Variants in APBB2 observed in about 807,000 individuals in gnomAD.
APBB2 encodes amyloid beta precursor protein binding family B member 2.
Under a neutral mutation model 82.5 loss-of-function variants are expected in APBB2, and 38 were observed. The ratio of observed to expected loss-of-function variants is 0.46; its 90% CI spans 0.36 to 0.60. The LOEUF is 0.60. APBB2 is among the 20% of genes least tolerant of loss of function. APBB2 has a pLI of 0.00. For missense variants in APBB2, 772 were observed against 972.3 expected, an observed-to-expected ratio of 0.79 and a Z score of 2.74; for synonymous variants, 341 against 368.2, an observed-to-expected ratio of 0.93 and a Z score of 0.85.
At chr4:40,935,249 G>T in intron 7 of APBB2, 110 bp from the exon 8 acceptor site, 1 of 797,254 alleles carries the variant, frequency 1.3e-6, no homozygotes, top group Non-Finnish European at 2.0e-6. Flanking sequence ...ATATTCACAA[G>T]ATGGGTTAGG....
intron 1 of APBB2, among the ~76,000 whole-genome samples, chr4:41,145,477 C>A (rs1760460513): frequency 6.6e-6 from 1 of 152,100 alleles, no homozygotes; most frequent in Admixed American, 6.5e-5. Flanking sequence ...AAATTCATAC[C>A]AGCAAAACCA....
rs112713402 is a variant in APBB2 at position 40,827,617 on chromosome 4, C to A, written c.1645-398G>T. On this transcript the variant is annotated intron_variant, in intron 13 of 17. Transcript: ENST00000508593. ...CCAAATGCCACCCTTTGAAGACAGA[C>A]AACATGGGTTCAAACTGCACCTCTG... Among the ~76,000 whole-genome samples, 215 of 152,284 alleles carry A rather than the reference C, an allele frequency of 1.4e-3. 3 individuals are homozygous for A. In the East Asian group the frequency reaches 0.02, roughly 14 times the overall value.
At chr4:40,901,223 T>C (rs1344890287) in intron 10 of APBB2, among the ~76,000 whole-genome samples, 1 of 152,130 alleles carries the variant, frequency 6.6e-6, no homozygotes, top group Non-Finnish European at 1.5e-5. Context: ...CCTGGCATGA[T>C]GAAATGGGAT....
intron 6 of APBB2, among the ~76,000 whole-genome samples, chr4:40,982,783 T>C (rs1191004327): frequency 7.8e-6 from 1 of 127,800 alleles, no homozygotes; most frequent in East Asian, 2.3e-4. Context: ...AGAGACCCTG[T>C]CTCAAAAAAA....
At chr4:41,110,162 T>C (rs775133100) in intron 2 of APBB2, among the ~76,000 whole-genome samples, 2 of 152,328 alleles carry the variant, frequency 1.3e-5, no homozygotes, top group Non-Finnish European at 1.5e-5. Flanking sequence ...CCTCTGTATG[T>C]TTCCACTGCA....
chr4:41,112,326 C>T (rs1488152118), intron 2 of APBB2, among the ~76,000 whole-genome samples: 2 of 152,204 alleles, frequency 1.3e-5, no homozygotes, highest in Non-Finnish European at 2.9e-5. Context: ...GCATTTCACT[C>T]CCACTGCAAT....
At chr4:41,093,829 G>A (rs930289655) in intron 3 of APBB2, among the ~76,000 whole-genome samples, 2 of 151,862 alleles carry the variant, frequency 1.3e-5, no homozygotes, top group African/African-American at 4.8e-5. Flanking sequence ...ACTCCAGCCT[G>A]GGCAACAAGA....
At chr4:40,874,368 T>C (rs6840925) in intron 12 of APBB2, among the ~76,000 whole-genome samples, 38,497 of 152,104 alleles carry the variant, frequency 0.25, 5,235 homozygotes, top group Admixed American at 0.31. Context: ...TTTAACAATA[T>C]AAAGGACGTC....
intron 17 of APBB2, among the ~76,000 whole-genome samples, chr4:40,818,177 G>A (rs562183761): frequency 6.6e-6 from 1 of 152,310 alleles, no homozygotes; most frequent in Admixed American, 6.5e-5. Flanking sequence ...GGACCATTCA[G>A]AGGAGAATCA....
intron 4 of APBB2, among the ~76,000 whole-genome samples, chr4:41,063,351 A>C (rs912414538): frequency 1.3e-5 from 2 of 152,236 alleles, no homozygotes; most frequent in African/African-American, 4.8e-5. Flanking sequence ...AAAAATAAGC[A>C]TGGGCTGGAT....
intron 1 of APBB2, among the ~76,000 whole-genome samples, chr4:41,148,786 C>T (rs1460170500): frequency 2.0e-5 from 3 of 151,984 alleles, no homozygotes; most frequent in Non-Finnish European, 4.4e-5. Flanking sequence ...ATTTTTTTAG[C>T]GAGCAATCAC....
intron 10 of APBB2, among the ~76,000 whole-genome samples, chr4:40,929,201 AC>A (rs1209419792): frequency 3.6e-4 from 54 of 152,100 alleles, no homozygotes; most frequent in African/African-American, 1.3e-3. Context: ...ATAAAAATTT[AC>A]TTTTAAAGTG....
intron 5 of APBB2, 133 bp from the exon 6 acceptor site, chr4:41,014,531 C>G (rs1809330344): frequency 2.3e-6 from 2 of 858,318 alleles, no homozygotes; most frequent in African/African-American, 1.7e-5. Flanking sequence ...AGAATGGACC[C>G]ATTTTCCTCT....
intron 1 of APBB2, among the ~76,000 whole-genome samples, chr4:41,168,385 A>AT (rs896650209): frequency 3.3e-5 from 5 of 150,696 alleles, no homozygotes; most frequent in African/African-American, 1.2e-4. Context: ...TTATTTTTTT[A>AT]TTTTTTTCCT....
intron 6 of APBB2, among the ~76,000 whole-genome samples, chr4:40,951,496 T>C (rs374018374): frequency 1.3e-5 from 2 of 152,272 alleles, no homozygotes; most frequent in Non-Finnish European, 2.9e-5. Context: ...GAAGACGCGA[T>C]ACGGCTCAGT....
chr4:40,971,824 C>T (rs1795992845), intron 6 of APBB2, among the ~76,000 whole-genome samples: 1 of 151,996 alleles, frequency 6.6e-6, no homozygotes, highest in Admixed American at 6.6e-5. Context: ...GAAAGTAATC[C>T]CTTAAATTCT....
At chr4:40,890,732 CA>C in intron 11 of APBB2, 1 of 423,840 alleles carries the variant, frequency 2.4e-6, no homozygotes, top group Non-Finnish European at 4.2e-6. Flanking sequence ...TCCTGCTTTC[CA>C]GGCTGCTCTT....
intron 1 of APBB2, among the ~76,000 whole-genome samples, chr4:41,195,752 C>CA: frequency 0.14 from 21,530 of 152,086 alleles, 1,788 homozygotes; most frequent in South Asian, 0.26. Context: ...CTCCTCCCCT[C>CA]ACTGATCCCA....
chr4:40,837,407 T>C (rs1449208365), intron 12 of APBB2, among the ~76,000 whole-genome samples: 1 of 152,176 alleles, frequency 6.6e-6, no homozygotes, highest in East Asian at 1.9e-4. Context: ...CTGGGAGCCA[T>C]ACTCATTAAC....
Sources: gnomAD v4.1 joint callset for allele counts (sites outside exome capture counted in the v4.1 genomes callset) on GRCh38, gnomAD v4.1.1 for gene constraint, MANE v1.5 for transcripts, NCBI Gene and HGNC (gene_info 2026-07-23, HGNC 2026-07-21) for gene names.